ANK3: variants seen among roughly 807,000 people sequenced by gnomAD.
ANK3 encodes ankyrin-3.
In ANK3, 57 loss-of-function variants were observed where a neutral mutation model predicts 370.9. The ratio of observed to expected loss-of-function variants is 0.15; its 90% confidence interval spans 0.12 to 0.19. ANK3 has a LOEUF of 0.19. Ranked by LOEUF, ANK3 falls within the 10% of genes least tolerant of loss-of-function variation. The pLI is 1.00. For missense variants in ANK3, 4,439 were observed against 5,302.1 expected (o/e 0.84, Z 5.06); for synonymous variants, 1,929 against 1,946.3 (o/e 0.99, Z 0.23).
In ANK3 at chr10:60,086,757, G is replaced by A. The variant is rs749846661; in HGVS notation, c.3668C>T (p.Pro1223Leu). ...GGATACACCTTCTCCTGAGGGCGGG[G>A]GCACCGGAATGGTCATTGTGATTGG... ...HKPITMTIPV[P>L]PPSGEGVSNG... is the part of the protein sequence containing the mutation. The change falls in exon 30 of 44, where the codon CCC (proline) becomes CTC (leucine). Residue 1223 changes from proline (P) to leucine (L), a missense_variant. By Grantham distance (98) the Pro-to-Leu change is moderately conservative. Coordinates refer to ENST00000280772, the MANE Select transcript of ANK3 (RefSeq NM_020987.5). 1.2e-6 allele frequency: 2 copies of A among 1,613,988 alleles called. No homozygotes were observed. The highest frequency in any genetic ancestry group is 8.5e-7 in the Non-Finnish European group (1 of 1,179,976).
intron 2 of ANK3, among the ~76,000 whole-genome samples, chr10:60,509,509 T>C (rs2076026025): frequency 6.6e-6 from 1 of 152,158 alleles, no homozygotes; most frequent in Admixed American, 6.6e-5. Flanking sequence ...GTGGGATTCA[T>C]ATAATGTCTG....
rs2393605 is a variant in ANK3, at chr10:60,042,616, A to T, written c.*19+56T>A. ...AATCAGAATCACTTATTTAGTGAAAAATATAAGTTTCACAGGAATTTAAGT... is the reference window on the plus strand; with the variant it reads ...AATCAGAATCACTTATTTAGTGAAATATATAAGTTTCACAGGAATTTAAGT... On this transcript the variant is annotated intron_variant, in intron 43 of 43. Coordinates refer to ENST00000280772, the MANE Select transcript of ANK3 (RefSeq NM_020987.5). 0.75 allele frequency: 1,128,129 copies of T among 1,497,080 alleles called. 427,375 individuals are homozygous for T. The highest frequency in any genetic ancestry group is 0.79 in the East Asian group (34,324 of 43,546). 92.7% of individuals were successfully genotyped at this position (1,497,080 alleles called of 1,614,324 possible).
chr10:60,132,579 T>C (rs1165510754), intron 25 of ANK3, among the ~76,000 whole-genome samples: 1 of 152,148 alleles, frequency 6.6e-6, no homozygotes, highest in Non-Finnish European at 1.5e-5. Flanking sequence ...AGTATGTCTT[T>C]ATTAGCAGTG....
chr10:60,508,980 T>C (rs1464690855), intron 2 of ANK3, among the ~76,000 whole-genome samples: 2 of 152,154 alleles, frequency 1.3e-5, no homozygotes, highest in Admixed American at 1.3e-4. Flanking sequence ...GTCTAATGAT[T>C]GTTGCTGGAT....
chr10:60,603,164 C>T (rs948111004), intron 2 of ANK3, among the ~76,000 whole-genome samples: 1 of 152,128 alleles, frequency 6.6e-6, no homozygotes, highest in South Asian at 2.1e-4. Context: ...CTCCACTTTT[C>T]TATGAATAAC....
At chr10:60,147,843 T>A (rs2094909468) in intron 23 of ANK3, among the ~76,000 whole-genome samples, 1 of 152,198 alleles carries the variant, frequency 6.6e-6, no homozygotes, top group African/African-American at 2.4e-5. Flanking sequence ...CATGAGCCAA[T>A]TAAACCTCTT....
At chr10:60,480,231 G>C (rs549438277) in intron 2 of ANK3, among the ~76,000 whole-genome samples, 2 of 152,232 alleles carry the variant, frequency 1.3e-5, no homozygotes, top group South Asian at 4.1e-4. Context: ...ATTTGGTCTT[G>C]TTCAGTTTAA....
intron 2 of ANK3, among the ~76,000 whole-genome samples, chr10:60,416,941 T>C (rs200956838): frequency 6.6e-6 from 1 of 152,070 alleles, no homozygotes; most frequent in East Asian, 1.9e-4. Context: ...ACAAAAATGG[T>C]TTTTGAGAGA....
intron 43 of ANK3, among the ~76,000 whole-genome samples, chr10:60,032,194 C>CTTTTTTTTTTTTTTTTT (rs552219776): frequency 0.02 from 847 of 43,098 alleles, 212 homozygotes; most frequent in Middle Eastern, 0.04. Flanking sequence ...TACACAGCTT[C>CTTTTTTTTTTTTTTTTT]TTTTTTTTTT....
At chr10:60,337,026 T>TAA (rs35493873) in intron 1 of ANK3, among the ~76,000 whole-genome samples, 83 of 149,028 alleles carry the variant, frequency 5.6e-4, no homozygotes, top group South Asian at 1.1e-3. Flanking sequence ...AAAAAGGCTT[T>TAA]AAAAAAAAAA....
intron 1 of ANK3, among the ~76,000 whole-genome samples, chr10:60,699,235 T>C (rs912695354): frequency 2.0e-5 from 3 of 151,724 alleles, no homozygotes; most frequent in African/African-American, 7.3e-5. Flanking sequence ...AAAGAACTTA[T>C]TCATGTAACC....
intron 1 of ANK3, among the ~76,000 whole-genome samples, chr10:60,329,677 G>C (rs746316973): frequency 1.3e-5 from 2 of 152,134 alleles, no homozygotes; most frequent in Non-Finnish European, 2.9e-5. Flanking sequence ...TCATGGATAG[G>C]AAGAATCAAT....
chr10:60,055,531 A>G lies in ANK3; in HGVS notation c.13065+127T>C, dbSNP rs1046118318. ...CTTTACCTCCACCATTAGTGCTACA[A>G]TTTCACACATTTATAATTTAGAAAT... On this transcript the variant is annotated intron_variant, in intron 42 of 43. Coordinates refer to ENST00000280772, the MANE Select transcript of ANK3 (RefSeq NM_020987.5). 12 of 1,280,102 alleles carry G rather than the reference A, an allele frequency of 9.4e-6. No individual in the cohort carries two copies. The African/African-American group carries it at 1.6e-4, about 17-fold the overall frequency. 79.3% of individuals were successfully genotyped at this position (1,280,102 alleles called of 1,614,324 possible). A position where few individuals can be genotyped will look rare whatever the true frequency, so the allele number is the denominator to read the frequency against.
At chr10:60,382,954 T>G (rs1168263863) in intron 1 of ANK3, among the ~76,000 whole-genome samples, 1 of 152,020 alleles carries the variant, frequency 6.6e-6, no homozygotes, top group Non-Finnish European at 1.5e-5. Context: ...TTATTAAAAT[T>G]TGAATTAGTA....
intron 2 of ANK3, among the ~76,000 whole-genome samples, chr10:60,442,940 G>A (rs893406260): frequency 3.3e-5 from 5 of 152,232 alleles, no homozygotes; most frequent in African/African-American, 1.2e-4. Context: ...AAGGATCAAT[G>A]TGAAAATAAA....
chr10:60,526,047 A>C (rs912886007), intron 2 of ANK3, among the ~76,000 whole-genome samples: 3 of 152,152 alleles, frequency 2.0e-5, no homozygotes, highest in Admixed American at 6.6e-5. Flanking sequence ...CCAGGTTTAC[A>C]TGGAACTTGT....
intron 2 of ANK3, among the ~76,000 whole-genome samples, chr10:60,542,655 G>C (rs1034296246): frequency 6.6e-6 from 1 of 151,886 alleles, no homozygotes; most frequent in Non-Finnish European, 1.5e-5. Flanking sequence ...TTCTGCCCTT[G>C]ATTAGTCTTT....
chr10:60,412,884 G>C (rs780992869), intron 2 of ANK3, among the ~76,000 whole-genome samples: 1 of 152,204 alleles, frequency 6.6e-6, no homozygotes, highest in Non-Finnish European at 1.5e-5. Context: ...TGAGGACAGA[G>C]TGCACACCTC....
intron 1 of ANK3, among the ~76,000 whole-genome samples, chr10:60,714,261 C>T (rs2079751250): frequency 6.6e-6 from 1 of 152,210 alleles, no homozygotes; most frequent in South Asian, 2.1e-4. Flanking sequence ...TAATAACCTT[C>T]ACAAATGGAA....
Sources: gnomAD v4.1 joint callset for allele counts (sites outside exome capture counted in the v4.1 genomes callset) on GRCh38, gnomAD v4.1.1 for gene constraint, MANE v1.5 for transcripts, NCBI Gene and HGNC (gene_info 2026-07-23, HGNC 2026-07-21) for gene names.